The following PLA2G6 variants were observed in gnomAD, a reference collection of about 807,000 sequenced individuals.
PLA2G6 encodes the protein phospholipase A2 group VI.
PLA2G6 carries 62 observed loss-of-function variants against 83.8 expected under a neutral mutation model. The observed-to-expected ratio is 0.74, with a 90% CI of 0.60 to 0.91. The LOEUF (loss-of-function observed/expected upper bound fraction) is 0.91, where lower values mean the gene tolerates loss of function less well. Ranked by LOEUF, PLA2G6 falls within the 40% of genes least tolerant of loss-of-function variation. PLA2G6 has a pLI of 0.00. For missense variants in PLA2G6, 944 were observed against 1,102.0 expected (o/e 0.86, Z 2.03); for synonymous variants, 417 against 449.8 (o/e 0.93, Z 0.92).
chr22:38,146,163 G>T (rs1056069832), intron 2 of PLA2G6: 2 of 187,648 alleles, frequency 1.1e-5, no homozygotes, highest in Admixed American at 5.4e-5. Context: ...AGTCTCCAGA[G>T]TAGCTGGGAT....
intron 2 of PLA2G6, chr22:38,146,377 T>C (rs1202876188): frequency 1.3e-5 from 2 of 152,556 alleles, no homozygotes; most frequent in Non-Finnish European, 2.9e-5. Flanking sequence ...TGACAGGGGG[T>C]CTTGCTATGT....
chr22:38,121,073 C>T, intron 11 of PLA2G6, 164 bp from the exon 12 acceptor site: 1 of 675,770 alleles, frequency 1.5e-6, no homozygotes, highest in East Asian at 2.7e-5. Context: ...ACCTCCCAGA[C>T]AGACAGAGAG....
At chr22:38,174,325 G>A (rs1190890985) in intron 1 of PLA2G6, among the ~76,000 whole-genome samples, 1 of 152,148 alleles carries the variant, frequency 6.6e-6, no homozygotes, top group Admixed American at 6.5e-5. Flanking sequence ...GTGAACCCGG[G>A]AGGCGGAGCT....
chr22:38,128,092 T>C lies in PLA2G6; in HGVS notation c.1348+177A>G. ...CATGGGACATCAGCCAGGGACACCC[T>C]AGGCCTCTGGGATCTGTGGGTTGCT... On this transcript the variant is annotated intron_variant, in intron 9 of 16. Coordinates refer to ENST00000332509, the MANE Select transcript of PLA2G6 (RefSeq NM_003560.4). This position sits in a 1 kb window ranked among gnomAD's most constrained non-coding sequence, Gnocchi z 4.4. 6.2e-6 allele frequency: 4 copies of C among 647,132 alleles called. No individual in the cohort carries two copies. Among genetic ancestry groups the C allele is most frequent in the Admixed American group, 2.5e-5 (1 of 39,352 alleles). 40.1% of individuals were successfully genotyped at this position (647,132 alleles called of 1,614,324 possible).
intron 2 of PLA2G6, chr22:38,163,755 A>G (rs749625998): frequency 5.9e-6 from 1 of 168,222 alleles, no homozygotes; most frequent in Non-Finnish European, 1.5e-5. Context: ...TATCTCACTG[A>G]AGGCTGGGTA....
chr22:38,174,401 A>AAAAG (rs133011), intron 1 of PLA2G6, among the ~76,000 whole-genome samples: 76,359 of 151,220 alleles, frequency 0.5, 19,744 homozygotes, highest in South Asian at 0.63. Flanking sequence ...GTCTCAAAAA[A>AAAAG]AAAGAAAGAA....
chr22:38,140,226 G>A (rs1346067554), intron 4 of PLA2G6, 57 bp from the exon 5 acceptor site: 2 of 1,548,152 alleles, frequency 1.3e-6, no homozygotes, highest in Non-Finnish European at 1.8e-6. Context: ...AACGTAAAGA[G>A]GCCGGGCGCA....
Position 38,181,769 on chromosome 22 carries a change from C to G in PLA2G6, c.-151G>C, listed in dbSNP as rs1327770004. The G allele has an allele frequency of 6.6e-6, 1 of 152,270 alleles. No homozygotes were observed. Among genetic ancestry groups the G allele is most frequent in the African/African-American group, 2.4e-5 (1 of 41,456 alleles). The allele number at this position is 152,270 out of a possible 1,614,324, so 9.4% of individuals were successfully genotyped here. A position where few individuals can be genotyped will look rare whatever the true frequency, so the allele number is the denominator to read the frequency against. ...AACGGACCCCCAGGCCCCGCCCACC[C>G]GCGAGGTCACTCACCTCGGCTTACT... On this transcript the variant is annotated 5_prime_UTR_variant, in exon 1 of 17. Transcript: ENST00000332509.
Position 38,132,511 on chromosome 22 carries a change from G to A in PLA2G6, c.1077+320C>T. 1 of 477,258 alleles carries A rather than the reference G, an allele frequency of 2.1e-6. No individual in the cohort carries two copies. Among genetic ancestry groups the A allele is most frequent in the Non-Finnish European group, 3.8e-6 (1 of 263,642 alleles). The allele number at this position is 477,258 out of a possible 1,614,324, so 29.6% of individuals were successfully genotyped here. On this transcript the variant is annotated intron_variant, in intron 7 of 16. Coordinates refer to ENST00000332509, the MANE Select transcript of PLA2G6 (RefSeq NM_003560.4). This position sits in a 1 kb window ranked among gnomAD's most constrained non-coding sequence, Gnocchi z 5.0. ...TTTTCCAGATGAGGAAATCGAGGCT[G>A]ACAGGTGACATGGCTTGCTCAGGGC...
intron 10 of PLA2G6, among the ~76,000 whole-genome samples, chr22:38,125,951 C>G (rs778621830): frequency 1.3e-5 from 2 of 152,216 alleles, no homozygotes. Flanking sequence ...ACTAGGTATA[C>G]AGCAGGTGCT....
At chr22:38,177,042 C>A (rs368982741) in intron 1 of PLA2G6, among the ~76,000 whole-genome samples, 85 of 129,372 alleles carry the variant, frequency 6.6e-4, no homozygotes, top group African/African-American at 8.8e-4. Context: ...GAGACTGTCT[C>A]AAAAAAAAAA....
rs748221422 is a variant in PLA2G6, at chr22:38,116,289, G to C, written c.1743-78C>G. On this transcript the variant is annotated intron_variant, in intron 12 of 16. Transcript: ENST00000332509. ...CCCTTTCCCCACAATTCACACCCCA[G>C]GGCCTTGGGTAGCAGAGTGCCCACT... 7.8e-5 allele frequency: 119 copies of C among 1,526,958 alleles called. No individual in the cohort carries two copies. In the African/African-American group the frequency reaches 1.4e-3, roughly 17 times the overall value. 94.6% of individuals were successfully genotyped at this position (1,526,958 alleles called of 1,614,324 possible).
intron 9 of PLA2G6, chr22:38,127,380 G>A (rs1423669847): frequency 5.3e-6 from 7 of 1,312,248 alleles, no homozygotes; most frequent in South Asian, 2.5e-5. Context: ...GCTAGGCTCG[G>A]TGGCCTCTCC....
In PLA2G6 at chr22:38,132,571, G is replaced by A. The variant is rs1406546393; in HGVS notation, c.1077+260C>T. The A allele has an allele frequency of 2.5e-5, 14 of 564,614 alleles. No homozygotes were observed. Among genetic ancestry groups the A allele is most frequent in the Non-Finnish European group, 3.2e-5 (10 of 314,946 alleles). The allele number at this position is 564,614 out of a possible 1,614,324, so 35.0% of individuals were successfully genotyped here. On this transcript the variant is annotated intron_variant, in intron 7 of 16. Transcript: ENST00000332509. This position sits in a 1 kb window ranked among gnomAD's most constrained non-coding sequence, Gnocchi z 5.0. ...GCCAGAGCTGTCATTTTTCCCTCTC[G>A]TGCCATGCAAGTGCCAAATGGGGGC... is the stretch of plus-strand genomic sequence containing the variant.
intron 10 of PLA2G6, among the ~76,000 whole-genome samples, chr22:38,125,057 T>C (rs1388937652): frequency 1.3e-5 from 2 of 152,174 alleles, no homozygotes; most frequent in Admixed American, 6.5e-5. Context: ...CCTTGGGAAA[T>C]GTGGGTCCCC....
Position 38,169,456 on chromosome 22 carries a change from C to T in PLA2G6, c.-30G>A, listed in dbSNP as rs748158719. On this transcript the variant is annotated 5_prime_UTR_variant, in exon 2 of 17. Transcript: ENST00000332509. The stretch of plus-strand genomic sequence containing the variant: ...TGCGGGGCAGGTGGGGAGGCCCCAC[C>T]GTCTTCCCCCTCTGTCTGGAAGAAA... 16 of 1,586,658 alleles carry T rather than the reference C, an allele frequency of 1.0e-5. No individual in the cohort carries two copies. In the African/African-American group the frequency reaches 1.2e-4, roughly 12 times the overall value.
At chr22:38,127,068 C>T in intron 9 of PLA2G6, 1 of 1,097,926 alleles carries the variant, frequency 9.1e-7, no homozygotes. Context: ...TGACGTCCAC[C>T]CAACTGACTA....
intron 12 of PLA2G6, 88 bp from the exon 13 acceptor site, chr22:38,116,299 T>TGTG: frequency 1.4e-6 from 2 of 1,432,354 alleles, no homozygotes; most frequent in Non-Finnish European, 2.0e-6. Flanking sequence ...GGGCCTTGGG[T>TGTG]AGCAGAGTGC....
chr22:38,167,524 C>T (rs1412713460), intron 2 of PLA2G6, among the ~76,000 whole-genome samples: 1 of 149,178 alleles, frequency 6.7e-6, no homozygotes, highest in African/African-American at 2.5e-5. Flanking sequence ...GTCAGCTGTG[C>T]CTGCAGTGGA....
Sources: allele counts gnomAD v4.1 joint callset (sites outside exome capture counted in the v4.1 genomes callset), GRCh38; gene constraint gnomAD v4.1.1; non-coding constraint Gnocchi (gnomAD v3.1); transcripts MANE v1.5; gene names NCBI Gene and HGNC (gene_info 2026-07-23, HGNC 2026-07-21).